KIF26B: variants seen among roughly 807,000 people sequenced by gnomAD.
KIF26B encodes kinesin-like protein KIF26B.
KIF26B carries 63 observed loss-of-function variants against 151.2 expected under a neutral mutation model. The ratio of observed to expected loss-of-function variants is 0.42; its 90% CI spans 0.34 to 0.51. KIF26B has a LOEUF of 0.51. Among genes scored for constraint, KIF26B ranks in the 20% least tolerant of loss-of-function variants. KIF26B has a pLI of 0.07. For synonymous variants in KIF26B, 1,357 were observed against 1,262.1 expected, an observed-to-expected ratio of 1.08 and a Z score of -1.59; for missense variants, 2,813 against 2,913.6, an observed-to-expected ratio of 0.97 and a Z score of 0.79.
chr1:245,445,196 T>C (rs777982894), intron 4 of KIF26B, among the ~76,000 whole-genome samples: 7 of 152,290 alleles, frequency 4.6e-5, no homozygotes, highest in Non-Finnish European at 8.8e-5. Flanking sequence ...TTGGAAAGCA[T>C]AGAATGAAAT....
chr1:245,655,918 T>C (rs2147929066), intron 10 of KIF26B, among the ~76,000 whole-genome samples: 1 of 152,302 alleles, frequency 6.6e-6, no homozygotes, highest in South Asian at 2.1e-4. Context: ...AACTCTGTCA[T>C]CCATAGAACT....
chr1:245,245,073 C>T (rs541956724), intron 2 of KIF26B, among the ~76,000 whole-genome samples: 3 of 152,096 alleles, frequency 2.0e-5, no homozygotes, highest in Admixed American at 1.3e-4. Context: ...CTGTGAGCCT[C>T]GGTGGGCTGA....
rs188494873 is a variant in KIF26B, at chr1:245,690,743, G to C, written c.5824+1936G>C. Among the ~76,000 whole-genome samples the C allele has an allele frequency of 3.0e-4, 45 of 151,704 alleles. No individual in the cohort carries two copies. The East Asian group carries it at 6.0e-3, about 20-fold the overall frequency. On this transcript the variant is annotated intron_variant, in intron 12 of 14. Coordinates refer to ENST00000407071, the MANE Select transcript of KIF26B (RefSeq NM_018012.4). ...TACCTTGACATCTTTATTTGCCTGG[G>C]GGGGGGGTATGCTTCAGTCTTTGAT...
At chr1:245,475,929 A>G (rs1438134645) in intron 4 of KIF26B, among the ~76,000 whole-genome samples, 1 of 151,926 alleles carries the variant, frequency 6.6e-6, no homozygotes, top group African/African-American at 2.4e-5. Context: ...AGAACTGAAA[A>G]CATACATCCA....
In KIF26B at chr1:245,169,795, A is replaced by T. The variant is rs149486362; in HGVS notation, c.465+13112A>T. Among the ~76,000 whole-genome samples the T allele has an allele frequency of 4.5e-3, 680 of 152,216 alleles. 4 individuals are homozygous for T. The highest frequency in any genetic ancestry group is 7.0e-3 in the Non-Finnish European group (474 of 67,992). On this transcript the variant is annotated intron_variant, in intron 2 of 14. Transcript: ENST00000407071. ...TCATAATTATTAGGGATCCTCCATA[A>T]TGCCCCTTTATGGTGGTCAGGAAGG...
intron 2 of KIF26B, among the ~76,000 whole-genome samples, chr1:245,341,314 T>G (rs796323056): frequency 4.4e-5 from 3 of 68,854 alleles, no homozygotes; most frequent in Non-Finnish European, 6.6e-5. Context: ...TTTTTTTTTT[T>G]TTTTTTTTTT....
intron 2 of KIF26B, among the ~76,000 whole-genome samples, chr1:245,344,899 C>G (rs1672414935): frequency 6.6e-6 from 1 of 151,948 alleles, no homozygotes; most frequent in African/African-American, 2.4e-5. Flanking sequence ...ACAGGTGATA[C>G]CGCTTCTTTC....
At chr1:245,429,455 T>C (rs1418780126) in intron 4 of KIF26B, among the ~76,000 whole-genome samples, 1 of 152,200 alleles carries the variant, frequency 6.6e-6, no homozygotes, top group Non-Finnish European at 1.5e-5. Flanking sequence ...CAATTCGCCC[T>C]TAAATCTCAC....
At chr1:245,365,186 T>A (rs1213967303) in intron 2 of KIF26B, among the ~76,000 whole-genome samples, 1 of 152,212 alleles carries the variant, frequency 6.6e-6, no homozygotes. Context: ...TTAGAGACTC[T>A]CTGGCCCTGT....
intron 2 of KIF26B, among the ~76,000 whole-genome samples, chr1:245,315,663 A>G (rs80013421): frequency 0.052 from 7,915 of 151,130 alleles, 267 homozygotes; most frequent in Middle Eastern, 0.098. Flanking sequence ...CGGAGGTTGC[A>G]GTGAGCCAAG....
chr1:245,669,017 A>G (rs73125121), intron 10 of KIF26B, among the ~76,000 whole-genome samples: 9,946 of 152,212 alleles, frequency 0.065, 976 homozygotes, highest in African/African-American at 0.21. Flanking sequence ...TAAACCACAC[A>G]TGATACCCAG....
In KIF26B at chr1:245,241,667, G is replaced by A. The variant is rs951655315; in HGVS notation, c.465+84984G>A. Among the ~76,000 whole-genome samples the A allele has an allele frequency of 2.0e-5, 3 of 152,318 alleles. No homozygotes were observed. Among genetic ancestry groups the A allele is most frequent in the South Asian group, 2.1e-4 (1 of 4,822 alleles). ...ATCCTGTGGACAGCTGGAGGTCCACGGGAACAGCTGCTATGGCGGCGGACA... is the reference window on the plus strand; with the variant it reads ...ATCCTGTGGACAGCTGGAGGTCCACAGGAACAGCTGCTATGGCGGCGGACA... On this transcript the variant is annotated intron_variant, in intron 2 of 14. Coordinates refer to ENST00000407071, the MANE Select transcript of KIF26B (RefSeq NM_018012.4). This position sits in a 1 kb window ranked among gnomAD's most constrained non-coding sequence, Gnocchi z 5.0.
At chr1:245,673,225 G>A (rs78478413) in intron 10 of KIF26B, among the ~76,000 whole-genome samples, 17 of 75,382 alleles carry the variant, frequency 2.3e-4, no homozygotes, top group Admixed American at 1.7e-3. Context: ...CTGCCATCTT[G>A]GGCCCAGTCC....
At chr1:245,246,886 CACACACA>C (rs1558360390) in intron 2 of KIF26B, among the ~76,000 whole-genome samples, 1 of 150,352 alleles carries the variant, frequency 6.7e-6, no homozygotes, top group Non-Finnish European at 1.5e-5. Flanking sequence ...CACACACACA[CACACACA>C]GACACACACA....
chr1:245,177,199 C>A (rs1296847032), intron 2 of KIF26B, among the ~76,000 whole-genome samples: 2 of 152,182 alleles, frequency 1.3e-5, no homozygotes, highest in Non-Finnish European at 2.9e-5. Context: ...ACGCCTCCTG[C>A]CTTGGCCTCT....
intron 2 of KIF26B, among the ~76,000 whole-genome samples, chr1:245,333,758 G>A (rs1672165186): frequency 6.6e-6 from 1 of 152,210 alleles, no homozygotes; most frequent in African/African-American, 2.4e-5. Context: ...AGCACTTCGG[G>A]AGGCCGATGC....
At chr1:245,277,427 A>T (rs1191613366) in intron 2 of KIF26B, among the ~76,000 whole-genome samples, 2 of 152,184 alleles carry the variant, frequency 1.3e-5, no homozygotes, top group Non-Finnish European at 1.5e-5. Context: ...GTGAGGTCCA[A>T]ACTGCCTTCC....
chr1:245,657,451 AT>A (rs1296683715), intron 10 of KIF26B, among the ~76,000 whole-genome samples: 1 of 152,062 alleles, frequency 6.6e-6, no homozygotes, highest in Admixed American at 6.6e-5. Flanking sequence ...TGAAGACGGG[AT>A]TTTTGTTTTC....
At chr1:245,462,229 A>C (rs1457149609) in intron 4 of KIF26B, among the ~76,000 whole-genome samples, 1 of 152,064 alleles carries the variant, frequency 6.6e-6, no homozygotes, top group Non-Finnish European at 1.5e-5. Flanking sequence ...ATTTTGCAAA[A>C]CTCCATGAGT....
Sources: allele counts gnomAD v4.1 joint callset (sites outside exome capture counted in the v4.1 genomes callset), GRCh38; gene constraint gnomAD v4.1.1; non-coding constraint Gnocchi (gnomAD v3.1); transcripts MANE v1.5; gene names NCBI Gene and HGNC (gene_info 2026-07-23, HGNC 2026-07-21).